RBM26: variants seen among roughly 807,000 people sequenced by gnomAD.
RBM26 encodes the protein RNA binding motif protein 26.
In RBM26, 30 loss-of-function variants were observed where a neutral mutation model predicts 123.6. The observed-to-expected ratio is 0.24, with a 90% CI of 0.18 to 0.33. The LOEUF (loss-of-function observed/expected upper bound fraction) is 0.33. Ranked by LOEUF, RBM26 falls within the 10% of genes least tolerant of loss-of-function variation. RBM26 has a pLI of 1.00. For missense variants in RBM26, 947 were observed against 1,203.6 expected (o/e 0.79, Z 3.15); for synonymous variants, 400 against 404.4 (o/e 0.99, Z 0.13).
chr13:79,375,074 TA>T (rs2076526088), intron 3 of RBM26, among the ~76,000 whole-genome samples: 1 of 118,046 alleles, frequency 8.5e-6, no homozygotes, highest in East Asian at 2.2e-4. Flanking sequence ...TATATATTTA[TA>T]TGATATATAT....
At chr13:79,388,390 C>T (rs1314873244) in intron 1 of RBM26, among the ~76,000 whole-genome samples, 1 of 152,214 alleles carries the variant, frequency 6.6e-6, no homozygotes, top group Non-Finnish European at 1.5e-5. Context: ...GCCACCTCGC[C>T]CAGCAAGCAA....
In RBM26 at chr13:79,344,243, T is replaced by TA; in HGVS notation, c.2259+4_2259+5insT. On this transcript the variant is annotated splice_donor_region_variant and intron_variant, in intron 16 of 21. Coordinates refer to ENST00000438737, the MANE Select transcript of RBM26 (RefSeq NM_001366735.2). The stretch of plus-strand genomic sequence containing the variant: ...ATTTGGCCAAATCTAACTTTAACAT[T>TA]TTACCTTCTGTGTTTCAATGTGCTT... The TA allele has an allele frequency of 6.3e-7, 1 of 1,592,184 alleles. No homozygotes were observed.
chr13:79,370,581 T>C (rs1161557450), intron 5 of RBM26, among the ~76,000 whole-genome samples: 1 of 152,242 alleles, frequency 6.6e-6, no homozygotes, highest in Non-Finnish European at 1.5e-5. Context: ...ACATACACTT[T>C]CATTTCTTCC....
chr13:79,363,654 G>T (rs1053798805), intron 9 of RBM26, among the ~76,000 whole-genome samples: 2 of 152,042 alleles, frequency 1.3e-5, no homozygotes, highest in African/African-American at 2.4e-5. Flanking sequence ...CTCTCAACAG[G>T]ATCACTTTCT....
intron 5 of RBM26, among the ~76,000 whole-genome samples, chr13:79,370,295 G>A (rs937827370): frequency 1.6e-4 from 24 of 152,056 alleles, no homozygotes; most frequent in Non-Finnish European, 2.6e-4. Context: ...CAGCCTGGGC[G>A]ACAGAGCAAT....
chr13:79,348,935 T>C (rs976243484), intron 14 of RBM26, among the ~76,000 whole-genome samples: 5 of 152,216 alleles, frequency 3.3e-5, no homozygotes, highest in African/African-American at 1.2e-4. Flanking sequence ...TTTTATTCTT[T>C]TAATTGACAA....
chr13:79,322,251 TAA>T, intron 21 of RBM26, 96 bp downstream of exon 21: 1 of 737,314 alleles, frequency 1.4e-6, no homozygotes, highest in South Asian at 2.3e-5. Context: ...GGGTCAGGAA[TAA>T]AAGTTTTATG....
chr13:79,366,810 C>T lies in RBM26; in HGVS notation c.958G>A (p.Val320Ile), dbSNP rs1372599959. 1 of 1,613,702 alleles carries T rather than the reference C, an allele frequency of 6.2e-7. No homozygotes were observed. The highest frequency in any genetic ancestry group is 1.1e-5 in the South Asian group (1 of 91,046). The change falls in exon 7 of 22, where the codon GTA becomes ATA. Residue 320 changes from valine (V) to isoleucine (I), a missense_variant. Physicochemically the swap from Val to Ile is conservative, Grantham distance 29 (BLOSUM62 3). Around this residue, in one of 5 missense-constraint regions of RBM26, gnomAD observed 11 missense variants for 44.5 expected, o/e 0.25. Transcript: ENST00000438737. ...PFDHGSDPVVVEDVNLPGMLP... is the reference protein window; with the variant it reads ...PFDHGSDPVVIEDVNLPGMLP... Reference sequence around the variant, plus strand: ...ATACCAGGAAGATTCACATCTTCTACAACTACTGGATCACTTCCATGATCA... The same window carrying T: ...ATACCAGGAAGATTCACATCTTCTATAACTACTGGATCACTTCCATGATCA...
At chr13:79,367,868 C>T (rs992794080) in intron 6 of RBM26, among the ~76,000 whole-genome samples, 8 of 151,916 alleles carry the variant, frequency 5.3e-5, no homozygotes, top group African/African-American at 1.2e-4. Context: ...AATAACCTAA[C>T]GAGATGAGAC....
intron 3 of RBM26, among the ~76,000 whole-genome samples, chr13:79,372,900 TC>T (rs1339896828): frequency 0.038 from 2,947 of 76,936 alleles, 678 homozygotes; most frequent in Middle Eastern, 0.13. Flanking sequence ...ATAAAATATA[TC>T]TTATATATTA....
At chr13:79,332,009 GA>G (rs545166167) in intron 20 of RBM26, among the ~76,000 whole-genome samples, 197 of 152,230 alleles carry the variant, frequency 1.3e-3, no homozygotes, top group African/African-American at 4.6e-3. Flanking sequence ...TATTTTTCCT[GA>G]GGAAAACTTC....
chr13:79,392,985 G>A (rs1224168961), intron 1 of RBM26, among the ~76,000 whole-genome samples: 2 of 152,126 alleles, frequency 1.3e-5, no homozygotes, highest in Non-Finnish European at 2.9e-5. Context: ...TACACATGCT[G>A]TCGAGAGATT....
chr13:79,371,083 T>C lies in RBM26; in HGVS notation c.496A>G (p.Arg166Gly). 6.2e-7 allele frequency: 1 copy of C among 1,614,186 alleles called. No homozygotes were observed. The highest frequency in any genetic ancestry group is 8.5e-7 in the Non-Finnish European group (1 of 1,180,012). Residue 166 changes from arginine (R) to glycine (G), a missense_variant, in exon 5 of 22, where the codon AGA (arginine) becomes GGA (glycine). Transcript: ENST00000438737. ...DRNPPRRDSY[R>G]DRYNRRRGRS... ...CCTCGTCTTCTATTGTACCGGTCTC[T>C]GTATGAATCTCTTCGAGGAGGGTTT... is the stretch of plus-strand genomic sequence containing the variant.
chr13:79,337,040 T>C, intron 19 of RBM26, 62 bp downstream of exon 19: 1 of 1,436,094 alleles, frequency 7.0e-7, no homozygotes, highest in Non-Finnish European at 9.7e-7. Flanking sequence ...TCCTCTTTAA[T>C]TATGTCTACT....
chr13:79,346,071 G>C (rs1006124401), intron 14 of RBM26, among the ~76,000 whole-genome samples: 1 of 152,130 alleles, frequency 6.6e-6, no homozygotes, highest in African/African-American at 2.4e-5. Flanking sequence ...AGGAGTTCAT[G>C]ACCTAAATAA....
At chr13:79,373,376 ATT>A in intron 3 of RBM26, among the ~76,000 whole-genome samples, 1 of 102,382 alleles carries the variant, frequency 9.8e-6, no homozygotes, top group Non-Finnish European at 1.8e-5. Flanking sequence ...TATAATATAT[ATT>A]ATATATAAAT....
At chr13:79,366,287 A>G (rs2075262796) in intron 7 of RBM26, 92 bp from the exon 8 acceptor site, 1 of 1,328,590 alleles carries the variant, frequency 7.5e-7, no homozygotes, top group Admixed American at 2.3e-5. Flanking sequence ...CATTTATCAA[A>G]CTATAATATC....
chr13:79,388,252 C>A (rs1209831601), intron 1 of RBM26, among the ~76,000 whole-genome samples: 1 of 152,204 alleles, frequency 6.6e-6, no homozygotes, highest in African/African-American at 2.4e-5. Flanking sequence ...TGTACCACCA[C>A]GTCTGGCTAA....
chr13:79,360,602 C>T (rs921528546), intron 9 of RBM26, among the ~76,000 whole-genome samples: 1 of 151,884 alleles, frequency 6.6e-6, no homozygotes, highest in Non-Finnish European at 1.5e-5. Flanking sequence ...TTACACTAAT[C>T]CAATAATCTT....
Sources: allele counts gnomAD v4.1 joint callset (sites outside exome capture counted in the v4.1 genomes callset), GRCh38; gene constraint gnomAD v4.1.1; regional missense constraint gnomAD v4.1.1; transcripts MANE v1.5; gene names NCBI Gene and HGNC (gene_info 2026-07-23, HGNC 2026-07-21).